Variants in CHCHD6 observed in about 807,000 individuals in gnomAD.
CHCHD6 encodes the protein coiled-coil-helix-coiled-coil-helix domain containing 6, also known as MICOS complex subunit MIC25.
A neutral mutation model predicts 32.3 loss-of-function variants in CHCHD6; 28 were observed. The ratio of observed to expected loss-of-function variants is 0.87; its 90% CI spans 0.64 to 1.19. The LOEUF is 1.19. CHCHD6 is among the 50% of genes most tolerant of loss of function. The pLI, the probability that CHCHD6 is intolerant of heterozygous loss-of-function variation, is 0.00. For missense variants in CHCHD6, 333 were observed against 307.0 expected, an observed-to-expected ratio of 1.08 and a Z score of -0.63; for synonymous variants, 122 against 117.5, an observed-to-expected ratio of 1.04 and a Z score of -0.25.
chr3:126,787,766 A>T (rs1482873514), intron 4 of CHCHD6, among the ~76,000 whole-genome samples: 1 of 152,088 alleles, frequency 6.6e-6, no homozygotes, highest in Non-Finnish European at 1.5e-5. Flanking sequence ...TCATGTCATC[A>T]GCAAACAGGG....
chr3:126,884,005 C>A (rs2077646712), intron 5 of CHCHD6, among the ~76,000 whole-genome samples: 1 of 151,606 alleles, frequency 6.6e-6, no homozygotes, highest in South Asian at 2.1e-4. Flanking sequence ...TAGTTCAAGT[C>A]TTAGCTATTC....
At chr3:126,792,129 T>C (rs1031312317) in intron 4 of CHCHD6, among the ~76,000 whole-genome samples, 1 of 151,966 alleles carries the variant, frequency 6.6e-6, no homozygotes, top group Non-Finnish European at 1.5e-5. Flanking sequence ...TGATGGACAC[T>C]TGGGTTGCTT....
At chr3:126,741,477 G>A (rs1330940656) in intron 4 of CHCHD6, among the ~76,000 whole-genome samples, 1 of 152,108 alleles carries the variant, frequency 6.6e-6, no homozygotes, top group Non-Finnish European at 1.5e-5. Flanking sequence ...ATGCCATGGA[G>A]CATCCTAGAG....
intron 1 of CHCHD6, among the ~76,000 whole-genome samples, chr3:126,718,082 C>G (rs2107653041): frequency 6.6e-6 from 1 of 152,234 alleles, no homozygotes; most frequent in Admixed American, 6.5e-5. Flanking sequence ...CACAGGATGT[C>G]AGAGCTGGAG....
At chr3:126,864,266 C>T (rs1360421338) in intron 5 of CHCHD6, among the ~76,000 whole-genome samples, 1 of 151,164 alleles carries the variant, frequency 6.6e-6, no homozygotes, top group Non-Finnish European at 1.5e-5. Context: ...TCTCCCCCTC[C>T]TCCATCACCA....
chr3:126,878,172 T>G (rs938870438), intron 5 of CHCHD6, among the ~76,000 whole-genome samples: 1 of 152,232 alleles, frequency 6.6e-6, no homozygotes, highest in African/African-American at 2.4e-5. Context: ...AGAATCAATA[T>G]GAATTCAGGG....
chr3:126,814,983 C>T (rs1025272266), intron 4 of CHCHD6, among the ~76,000 whole-genome samples: 13 of 152,144 alleles, frequency 8.5e-5, no homozygotes, highest in Admixed American at 3.3e-4. Context: ...CTAGCGTCTG[C>T]TGTAGAATTA....
chr3:126,939,841 T>C (rs1216313347), intron 6 of CHCHD6, among the ~76,000 whole-genome samples: 3 of 152,250 alleles, frequency 2.0e-5, no homozygotes, highest in Non-Finnish European at 2.9e-5. Context: ...GTTGAGTTCC[T>C]ACAATATACA....
intron 1 of CHCHD6, among the ~76,000 whole-genome samples, chr3:126,707,673 C>T (rs957441759): frequency 1.3e-5 from 2 of 152,190 alleles, no homozygotes. Context: ...TTGCATGTTC[C>T]CAGAGTCATT....
chr3:126,765,517 C>T (rs532351155), intron 4 of CHCHD6, among the ~76,000 whole-genome samples: 1 of 152,316 alleles, frequency 6.6e-6, no homozygotes, highest in East Asian at 1.9e-4. Flanking sequence ...GTCAGCAGAA[C>T]GGTACCCCGA....
At chr3:126,867,725 C>T (rs1942334903) in intron 5 of CHCHD6, among the ~76,000 whole-genome samples, 1 of 151,176 alleles carries the variant, frequency 6.6e-6, no homozygotes, top group Admixed American at 6.6e-5. Context: ...TAAACAGATG[C>T]TTGTGCCACC....
At chr3:126,733,246 T>C (rs376678462) in intron 4 of CHCHD6, 24 bp downstream of exon 4, 2 of 1,606,564 alleles carry the variant, frequency 1.2e-6, no homozygotes, top group Admixed American at 1.7e-5. Context: ...TTCCCTGATC[T>C]GGCCTTCTGA....
intron 1 of CHCHD6, among the ~76,000 whole-genome samples, chr3:126,723,548 A>G (rs1036946444): frequency 2.0e-5 from 3 of 152,184 alleles, no homozygotes; most frequent in Admixed American, 6.5e-5. Context: ...TGAGATGTGC[A>G]AAAAATTCTA....
At chr3:126,723,438 T>G (rs1935401159) in intron 1 of CHCHD6, among the ~76,000 whole-genome samples, 1 of 152,238 alleles carries the variant, frequency 6.6e-6, no homozygotes, top group Admixed American at 6.5e-5. Context: ...TGCATGCATG[T>G]GAAATCCAAA....
intron 4 of CHCHD6, among the ~76,000 whole-genome samples, chr3:126,786,071 T>C (rs953807963): frequency 1.3e-5 from 2 of 152,202 alleles, no homozygotes; most frequent in Non-Finnish European, 2.9e-5. Flanking sequence ...AGTGAGAACA[T>C]GCGGTGTTTG....
rs1046651007 is a variant in CHCHD6, at chr3:126,831,315, G to A, written c.412-21332G>A. ...GCTGAGATTACAGGCATAAGCCACC[G>A]TACCCGGCCAGCCCTGCCAGCCTTT... On this transcript the variant is annotated intron_variant, in intron 4 of 7. Coordinates refer to ENST00000290913, the MANE Select transcript of CHCHD6 (RefSeq NM_032343.3). Among the ~76,000 whole-genome samples, 18 of 152,152 alleles carry A rather than the reference G, an allele frequency of 1.2e-4. No homozygotes were observed. The East Asian group carries it at 2.9e-3, about 25-fold the overall frequency.
intron 5 of CHCHD6, among the ~76,000 whole-genome samples, chr3:126,910,068 G>A (rs546241775): frequency 6.6e-6 from 1 of 152,234 alleles, no homozygotes; most frequent in Non-Finnish European, 1.5e-5. Flanking sequence ...CTTGAGCCCA[G>A]GAGTTTGAAA....
At chr3:126,738,310 T>A (rs1168072386) in intron 4 of CHCHD6, among the ~76,000 whole-genome samples, 2 of 152,200 alleles carry the variant, frequency 1.3e-5, no homozygotes, top group East Asian at 3.9e-4. Context: ...TGTAAGAGGC[T>A]TGAGCATCCA....
At chr3:126,817,359 A>G (rs944128620) in intron 4 of CHCHD6, among the ~76,000 whole-genome samples, 56 of 148,894 alleles carry the variant, frequency 3.8e-4, no homozygotes, top group Non-Finnish European at 6.7e-4. Flanking sequence ...TTTTTTTTAA[A>G]TGAAAAGCTT....
Sources: gnomAD v4.1 joint callset for allele counts (sites outside exome capture counted in the v4.1 genomes callset) on GRCh38, gnomAD v4.1.1 for gene constraint, MANE v1.5 for transcripts, NCBI Gene and HGNC (gene_info 2026-07-23, HGNC 2026-07-21) for gene names.